The following DLGAP2 variants were observed in gnomAD, a reference collection of about 807,000 sequenced individuals.
DLGAP2 encodes the protein disks large-associated protein 2.
A neutral mutation model predicts 100.3 loss-of-function variants in DLGAP2; 26 were observed. The observed-to-expected ratio is 0.26, with a 90% CI of 0.19 to 0.36. The LOEUF is 0.36. Among genes scored for constraint, DLGAP2 ranks in the 10% least tolerant of loss-of-function variants. DLGAP2 has a pLI of 1.00. For missense variants in DLGAP2, 1,858 were observed against 1,453.2 expected (o/e 1.28, Z -4.53); for synonymous variants, 886 against 630.1 (o/e 1.41, Z -6.08).
chr8:972,707 G>T (rs1296023780), intron 2 of DLGAP2, among the ~76,000 whole-genome samples: 3 of 151,914 alleles, frequency 2.0e-5, no homozygotes, highest in Non-Finnish European at 2.9e-5. Context: ...GTGGAGGAAA[G>T]ATCAGCAGAT....
Position 1,421,206 on chromosome 8 carries a change from C to G in DLGAP2, c.107-80160C>G, listed in dbSNP as rs534498975. 2.6e-4 allele frequency among the ~76,000 whole-genome samples: 40 copies of G among 152,322 alleles called. 1 individual carries two copies. Among genetic ancestry groups the G allele is most frequent in the African/African-American group, 8.4e-4 (35 of 41,574 alleles). Reference sequence around the variant, plus strand: ...TTTTCCTGGAACATAGCTCTAACATCTGAGTGTTTCATGTTGTGTGTGTGA... The same window carrying G: ...TTTTCCTGGAACATAGCTCTAACATGTGAGTGTTTCATGTTGTGTGTGTGA... On this transcript the variant is annotated intron_variant, in intron 3 of 14. Transcript: ENST00000637795.
chr8:1,244,597 G>C (rs1489160033), intron 2 of DLGAP2, among the ~76,000 whole-genome samples: 1 of 70,384 alleles, frequency 1.4e-5, no homozygotes, highest in East Asian at 3.8e-4. Context: ...CCCACAGGCA[G>C]ACACCCCAAA....
intron 2 of DLGAP2, among the ~76,000 whole-genome samples, chr8:1,043,363 G>A (rs1802426498): frequency 6.7e-6 from 1 of 150,094 alleles, no homozygotes; most frequent in South Asian, 2.1e-4. Flanking sequence ...GTGGGTGTGG[G>A]TGGTGGACGT....
intron 1 of DLGAP2, among the ~76,000 whole-genome samples, chr8:790,210 G>GA (rs1821990934): frequency 6.6e-6 from 1 of 152,178 alleles, no homozygotes; most frequent in African/African-American, 2.4e-5. Flanking sequence ...CAGAAAAGGG[G>GA]TAAAGGAGGC....
intron 3 of DLGAP2, among the ~76,000 whole-genome samples, chr8:1,427,518 T>A (rs1245662980): frequency 1.3e-5 from 2 of 152,218 alleles, no homozygotes; most frequent in Non-Finnish European, 2.9e-5. Context: ...AAGCACTTGA[T>A]ATGGTTTGGC....
intron 3 of DLGAP2, among the ~76,000 whole-genome samples, chr8:1,458,252 C>T (rs559522248): frequency 6.6e-6 from 1 of 151,922 alleles, no homozygotes; most frequent in Non-Finnish European, 1.5e-5. Flanking sequence ...CTTCCTGCAG[C>T]ATGTTTGGAA....
intron 4 of DLGAP2, among the ~76,000 whole-genome samples, chr8:1,506,440 C>T (rs921885166): frequency 1.3e-5 from 2 of 152,126 alleles, no homozygotes; most frequent in Non-Finnish European, 2.9e-5. Context: ...GAGTTTCTTC[C>T]TTCTGGTCGG....
chr8:874,112 A>G (rs891749547), intron 1 of DLGAP2, among the ~76,000 whole-genome samples: 29 of 151,936 alleles, frequency 1.9e-4, no homozygotes, highest in African/African-American at 7.0e-4. Context: ...TTCTTTGTCA[A>G]TCTAGCTAAA....
chr8:1,175,627 G>C (rs1191149193), intron 2 of DLGAP2, among the ~76,000 whole-genome samples: 1 of 152,112 alleles, frequency 6.6e-6, no homozygotes, highest in African/African-American at 2.4e-5. Context: ...AAATTTGGAG[G>C]GTGTTGGAAT....
At chr8:1,408,079 A>G (rs895263843) in intron 3 of DLGAP2, among the ~76,000 whole-genome samples, 2 of 152,244 alleles carry the variant, frequency 1.3e-5, no homozygotes, top group East Asian at 1.9e-4. Flanking sequence ...CCCCCAGGGG[A>G]TAGAATCGTC....
intron 3 of DLGAP2, among the ~76,000 whole-genome samples, chr8:1,443,929 A>G (rs374519409): frequency 6.6e-6 from 1 of 152,240 alleles, no homozygotes; most frequent in Non-Finnish European, 1.5e-5. Context: ...ATTGATTAAA[A>G]GCAATAACTT....
intron 3 of DLGAP2, chr8:1,301,745 G>T (rs1800347228): frequency 6.6e-6 from 1 of 152,224 alleles, no homozygotes; most frequent in African/African-American, 2.4e-5. Flanking sequence ...TTTGAAGGAG[G>T]CTCTGGGCTT....
At chr8:1,336,991 G>C (rs11994037) in intron 3 of DLGAP2, among the ~76,000 whole-genome samples, 66,781 of 152,038 alleles carry the variant, frequency 0.44, 17,918 homozygotes, top group African/African-American at 0.76. Context: ...CCATATGGGA[G>C]TGAGGAGCAG....
intron 2 of DLGAP2, among the ~76,000 whole-genome samples, chr8:1,062,485 C>G (rs957161934): frequency 6.6e-6 from 1 of 152,166 alleles, no homozygotes; most frequent in Non-Finnish European, 1.5e-5. Context: ...GGAGGCTCTC[C>G]TCGGTAAGTC....
chr8:1,546,772 C>G (rs1019212550), intron 4 of DLGAP2, among the ~76,000 whole-genome samples: 12 of 152,088 alleles, frequency 7.9e-5, no homozygotes, highest in African/African-American at 2.9e-4. Context: ...AGGGGTGCAT[C>G]TCAGGCTGCT....
chr8:973,275 G>C (rs530273967), intron 2 of DLGAP2, among the ~76,000 whole-genome samples: 113 of 148,158 alleles, frequency 7.6e-4, no homozygotes, highest in African/African-American at 2.6e-3. Context: ...CTCCCGGACG[G>C]GGCAGCTGGC....
At position 1,223,348 on chromosome 8, in the gene DLGAP2, G is replaced by A. The variant is rs911019515; in HGVS notation, c.74-35503G>A. ...CTGGTCTCTGTGAGAAGCGCTTCCCGTGTGCATGGAGCCAGCCATCTTGGC... is the reference window on the plus strand; with the variant it reads ...CTGGTCTCTGTGAGAAGCGCTTCCCATGTGCATGGAGCCAGCCATCTTGGC... On this transcript the variant is annotated intron_variant, in intron 2 of 14. Transcript: ENST00000637795. Among the ~76,000 whole-genome samples, 5 of 152,192 alleles carry A rather than the reference G, an allele frequency of 3.3e-5. No homozygotes were observed. In the East Asian group the frequency reaches 5.8e-4, roughly 18 times the overall value.
At chr8:1,630,501 G>A (rs1347746769) in intron 7 of DLGAP2, among the ~76,000 whole-genome samples, 2 of 152,096 alleles carry the variant, frequency 1.3e-5, no homozygotes, top group Non-Finnish European at 2.9e-5. Context: ...AGGAGATCGA[G>A]ACCATCCTGG....
intron 2 of DLGAP2, among the ~76,000 whole-genome samples, chr8:928,385 G>A (rs542857197): frequency 6.6e-6 from 1 of 152,310 alleles, no homozygotes; most frequent in East Asian, 1.9e-4. Context: ...GGTCGAGAAT[G>A]TGTTCAGTAG....
Sources: gnomAD v4.1 joint callset for allele counts (sites outside exome capture counted in the v4.1 genomes callset) on GRCh38, gnomAD v4.1.1 for gene constraint, MANE v1.5 for transcripts, NCBI Gene and HGNC (gene_info 2026-07-23, HGNC 2026-07-21) for gene names.